The following ALPK1 variants were observed in gnomAD, a reference collection of about 807,000 sequenced individuals.
The protein encoded by ALPK1 is alpha-protein kinase 1.
Under a neutral mutation model 120.6 loss-of-function variants are expected in ALPK1, and 110 were observed. The ratio of observed to expected loss-of-function variants is 0.91; its 90% CI spans 0.78 to 1.07. The LOEUF is 1.07. Among genes scored for constraint, ALPK1 ranks in the 50% least tolerant of loss-of-function variants. ALPK1 has a pLI of 0.00. For synonymous variants in ALPK1, 582 were observed against 560.3 expected (o/e 1.04, Z -0.55); for missense variants, 1,498 against 1,483.9 (o/e 1.01, Z -0.16).
intron 2 of ALPK1, among the ~76,000 whole-genome samples, chr4:112,332,242 G>T (rs1003861269): frequency 2.6e-5 from 4 of 152,198 alleles, no homozygotes; most frequent in Non-Finnish European, 5.9e-5. Flanking sequence ...GAGGAAGGAA[G>T]AATACCAGTT....
At chr4:112,439,374 C>T (rs193275804) in intron 13 of ALPK1, among the ~76,000 whole-genome samples, 1 of 152,148 alleles carries the variant, frequency 6.6e-6, no homozygotes, top group African/African-American at 2.4e-5. Context: ...AACTTCATGT[C>T]CTGGTAACCT....
intron 4 of ALPK1, among the ~76,000 whole-genome samples, chr4:112,387,286 G>A (rs1047322492): frequency 6.6e-6 from 1 of 152,202 alleles, no homozygotes; most frequent in Non-Finnish European, 1.5e-5. Flanking sequence ...CTTTCAAAAA[G>A]TAAAGTAAAG....
intron 2 of ALPK1, among the ~76,000 whole-genome samples, chr4:112,369,700 A>G (rs1731318859): frequency 6.6e-6 from 1 of 152,166 alleles, no homozygotes; most frequent in African/African-American, 2.4e-5. Context: ...AAAAGAAAAG[A>G]AAATTTGTTT....
intron 12 of ALPK1, 64 bp downstream of exon 12, chr4:112,435,365 A>G: frequency 1.3e-6 from 2 of 1,506,684 alleles, no homozygotes; most frequent in Non-Finnish European, 1.8e-6. Flanking sequence ...TCTGTTAAGT[A>G]ATCACTCATG....
In ALPK1 at chr4:112,438,581, A is replaced by C. The variant is rs1341804032; in HGVS notation, c.3286A>C (p.Asn1096His). 6.2e-7 allele frequency: 1 copy of C among 1,613,940 alleles called. No homozygotes were observed. The highest frequency in any genetic ancestry group is 1.1e-5 in the South Asian group (1 of 91,062). Reference sequence around the variant, plus strand: ...CGCACAGCACTATGTGACAGAATTTAACAAGAGACTCTATGAACAAAACAT... The same window carrying C: ...CGCACAGCACTATGTGACAGAATTTCACAAGAGACTCTATGAACAAAACAT... ...MTAQHYVTEF[N>H]KRLYEQNIPT... The change falls in exon 13 of 16, where the codon AAC becomes CAC. Residue 1096 changes from asparagine to histidine, a missense_variant. Coordinates refer to ENST00000650871, the MANE Select transcript of ALPK1 (RefSeq NM_025144.4).
intron 2 of ALPK1, among the ~76,000 whole-genome samples, chr4:112,338,917 C>T (rs1012981310): frequency 2.0e-5 from 3 of 152,304 alleles, no homozygotes; most frequent in African/African-American, 2.4e-5. Flanking sequence ...CTACCTGCTA[C>T]GTAGTGGGCA....
chr4:112,346,251 A>G (rs76123054), intron 2 of ALPK1, among the ~76,000 whole-genome samples: 1,734 of 152,332 alleles, frequency 0.011, 33 homozygotes, highest in African/African-American at 0.039. Flanking sequence ...ATTATATCAT[A>G]TATTATCAGT....
At chr4:112,359,079 G>A (rs1189470072) in intron 2 of ALPK1, 5 of 748,138 alleles carry the variant, frequency 6.7e-6, no homozygotes, top group Non-Finnish European at 5.0e-6. Flanking sequence ...GGACCCCACT[G>A]GAAGGACAGC....
At chr4:112,377,388 A>G (rs1731713097) in intron 2 of ALPK1, among the ~76,000 whole-genome samples, 1 of 152,184 alleles carries the variant, frequency 6.6e-6, no homozygotes, top group Non-Finnish European at 1.5e-5. Flanking sequence ...TACGCAGAAG[A>G]TAAATCATGC....
chr4:112,312,886 G>A (rs902839213), intron 1 of ALPK1, among the ~76,000 whole-genome samples: 3 of 152,196 alleles, frequency 2.0e-5, no homozygotes, highest in African/African-American at 7.2e-5. Context: ...AATTGAAAGT[G>A]AACGGGAGGA....
At chr4:112,397,155 C>T (rs1406429398) in intron 4 of ALPK1, among the ~76,000 whole-genome samples, 1 of 152,224 alleles carries the variant, frequency 6.6e-6, no homozygotes, top group Non-Finnish European at 1.5e-5. Flanking sequence ...TCACGTAGTG[C>T]CTCAGCACAG....
intron 4 of ALPK1, chr4:112,382,948 G>A (rs78558855): frequency 0.039 from 8,498 of 216,452 alleles, 246 homozygotes; most frequent in East Asian, 0.079. Flanking sequence ...AGTGTGACTT[G>A]CTGTCTAAGC....
chr4:112,412,369 G>T (rs1321873384), intron 5 of ALPK1: 2 of 493,254 alleles, frequency 4.1e-6, no homozygotes, highest in South Asian at 3.1e-5. Flanking sequence ...TTAAAAAGCA[G>T]ATTAGAATTC....
Position 112,431,973 on chromosome 4 carries a change from C to G in ALPK1, c.2426C>G (p.Ser809Cys). The change falls in exon 11 of 16, where the codon TCT (serine) becomes TGT (cysteine). Residue 809 changes from serine (S) to cysteine (C), a missense_variant. Physicochemically the swap from Ser to Cys is moderately radical, Grantham distance 112. Coordinates refer to ENST00000650871, the MANE Select transcript of ALPK1 (RefSeq NM_025144.4). ...GACTTTCACAGGGTCCTGCACAATT[C>G]TCTGGGAAACATTTCCATGCTGCCA... ...PLDFHRVLHN[S>C]LGNISMLPCS... The G allele has an allele frequency of 6.2e-7, 1 of 1,614,148 alleles. No individual in the cohort carries two copies. The highest frequency in any genetic ancestry group is 8.5e-7 in the Non-Finnish European group (1 of 1,180,034).
intron 1 of ALPK1, among the ~76,000 whole-genome samples, chr4:112,303,517 C>A (rs1727880809): frequency 6.6e-6 from 1 of 152,176 alleles, no homozygotes; most frequent in Admixed American, 6.5e-5. Flanking sequence ...TCTTTTGAAT[C>A]TACCATATCG....
rs1440009706 is a variant in ALPK1 at position 112,431,339 on chromosome 4, G to A, written c.1792G>A (p.Val598Met). Residue 598 changes from valine to methionine, a missense_variant, in exon 11 of 16, where the codon GTG (valine) becomes ATG (methionine). Coordinates refer to ENST00000650871, the MANE Select transcript of ALPK1 (RefSeq NM_025144.4). ...GFSSSASWEE[V>M]NYHVDDRSAR... The stretch of plus-strand genomic sequence containing the variant: ...TAGTTCCTCTGCAAGCTGGGAGGAA[G>A]TGAATTATCACGTTGACGACAGGTC... 3 of 1,614,084 alleles carry A rather than the reference G, an allele frequency of 1.9e-6. No homozygotes were observed. The highest frequency in any genetic ancestry group is 2.5e-6 in the Non-Finnish European group (3 of 1,180,056).
At chr4:112,394,297 G>A (rs1405047493) in intron 4 of ALPK1, among the ~76,000 whole-genome samples, 1 of 152,142 alleles carries the variant, frequency 6.6e-6, no homozygotes. Flanking sequence ...TTCTGTTAAT[G>A]TGATATGACT....
chr4:112,427,546 G>A lies in ALPK1; in HGVS notation c.700-24G>A, dbSNP rs1225614689. The A allele has an allele frequency of 3.2e-6, 5 of 1,578,550 alleles. No homozygotes were observed. In the South Asian group the frequency reaches 5.5e-5, roughly 17 times the overall value. On this transcript the variant is annotated intron_variant, in intron 8 of 15. Coordinates refer to ENST00000650871, the MANE Select transcript of ALPK1 (RefSeq NM_025144.4). ...AATCCACTGTGAATTCCCGATCTGT[G>A]ACTTCTTTGTGTTTTTCTTACAGGG...
intron 4 of ALPK1, among the ~76,000 whole-genome samples, chr4:112,407,398 G>A (rs1228783497): frequency 6.6e-6 from 1 of 152,064 alleles, no homozygotes; most frequent in African/African-American, 2.4e-5. Flanking sequence ...GGATCACTTG[G>A]GCCCAGGAGG....
Sources: allele counts gnomAD v4.1 joint callset (sites outside exome capture counted in the v4.1 genomes callset), GRCh38; gene constraint gnomAD v4.1.1; transcripts MANE v1.5; gene names NCBI Gene and HGNC (gene_info 2026-07-23, HGNC 2026-07-21).